The following CELSR1 variants were observed in gnomAD, a reference collection of about 807,000 sequenced individuals.
CELSR1 encodes adhesion G protein-coupled receptor C1.
Under a neutral mutation model 249.1 loss-of-function variants are expected in CELSR1, and 110 were observed. The ratio of observed to expected loss-of-function variants is 0.44; its 90% CI spans 0.38 to 0.52. The LOEUF is 0.52. Among genes scored for constraint, CELSR1 ranks in the 20% least tolerant of loss-of-function variants. CELSR1 has a pLI of 0.00. For synonymous variants in CELSR1, 2,113 were observed against 1,900.0 expected, an observed-to-expected ratio of 1.11 and a Z score of -2.92; for missense variants, 4,109 against 4,296.4, an observed-to-expected ratio of 0.96 and a Z score of 1.22.
rs1171624985 is a variant in CELSR1, at chr22:46,433,862, T to G, written c.4523-381A>C. ...ACCACACCCGGCTAATTTTTGTATT[T>G]TTAGTAGAGATGGGGTTTCACCATG... On this transcript the variant is annotated intron_variant, in intron 4 of 34. Transcript: ENST00000674500. This position sits in a 1 kb window ranked among gnomAD's most constrained non-coding sequence, Gnocchi z 5.7. Among the ~76,000 whole-genome samples the G allele has an allele frequency of 2.0e-5, 3 of 152,268 alleles. No homozygotes were observed. Among genetic ancestry groups the G allele is most frequent in the Non-Finnish European group, 4.4e-5 (3 of 68,014 alleles).
At chr22:46,478,696 C>T (rs1192852249) in intron 1 of CELSR1, among the ~76,000 whole-genome samples, 1 of 147,378 alleles carries the variant, frequency 6.8e-6, no homozygotes, top group African/African-American at 2.5e-5. Context: ...GTGCGTGCCA[C>T]CATGCCCAGC....
At chr22:46,449,303 C>T (rs2079854915) in intron 2 of CELSR1, among the ~76,000 whole-genome samples, 1 of 151,654 alleles carries the variant, frequency 6.6e-6, no homozygotes, top group Non-Finnish European at 1.5e-5. Context: ...TCTATCCACC[C>T]ATCACACATC....
chr22:46,494,351 A>T (rs1228221910), intron 1 of CELSR1, among the ~76,000 whole-genome samples: 2 of 152,080 alleles, frequency 1.3e-5, no homozygotes, highest in Non-Finnish European at 2.9e-5. Flanking sequence ...CAGATTGTCA[A>T]TTTTTTTCAA....
Position 46,402,183 on chromosome 22 carries a change from G to C in CELSR1, c.5227-2281C>G, listed in dbSNP as rs1476643210. Among the ~76,000 whole-genome samples the C allele has an allele frequency of 6.6e-6, 1 of 151,876 alleles. No homozygotes were observed. The highest frequency in any genetic ancestry group is 6.6e-5 in the Admixed American group (1 of 15,238). On this transcript the variant is annotated intron_variant, in intron 9 of 34. Transcript: ENST00000674500. The surrounding 1 kb of genome is among the most constrained non-coding windows in gnomAD (Gnocchi z 5.0). ...GCCAGAAGCAAACATGGAAGATAAT[G>C]ACATCCCCATCATCCCCATTCTAGT...
intron 5 of CELSR1, among the ~76,000 whole-genome samples, chr22:46,415,579 A>C (rs1452582556): frequency 1.3e-5 from 2 of 152,112 alleles, no homozygotes; most frequent in Non-Finnish European, 2.9e-5. Flanking sequence ...AGCCCCTTTA[A>C]AGCTTAATTT....
intron 30 of CELSR1, among the ~76,000 whole-genome samples, 180 bp downstream of exon 30, chr22:46,366,206 C>CGGGGG (rs2078777111): frequency 1.2e-3 from 1 of 820 alleles, no homozygotes; most frequent in Non-Finnish European, 2.2e-3. Flanking sequence ...AGGGAAGGTG[C>CGGGGG]GAGGCGGGGA....
chr22:46,446,542 G>A lies in CELSR1; in HGVS notation c.4184-7131C>T, dbSNP rs2079823010. Among the ~76,000 whole-genome samples, 1 of 152,152 alleles carries A rather than the reference G, an allele frequency of 6.6e-6. No homozygotes were observed. Among genetic ancestry groups the A allele is most frequent in the Non-Finnish European group, 1.5e-5 (1 of 68,048 alleles). Reference sequence around the variant, plus strand: ...TCTGAGACTGTCAGGCACACAGCGAGTGCCGAATAAATGCCTGGTGTGTGC... The same window carrying A: ...TCTGAGACTGTCAGGCACACAGCGAATGCCGAATAAATGCCTGGTGTGTGC... On this transcript the variant is annotated intron_variant, in intron 2 of 34. Transcript: ENST00000674500. The surrounding 1 kb of genome is among the most constrained non-coding windows in gnomAD (Gnocchi z 5.5).
chr22:46,409,827 T>C lies in CELSR1; in HGVS notation c.4987A>G (p.Thr1663Ala). The stretch of plus-strand genomic sequence containing the variant: ...TACATATTCCACCTGTTGACACAGG[T>C]GCCTCCATTCTGACACCGCCTCCCA... The part of the protein sequence containing the change: ...CDGRRCQNGG[T>A]CVNRWNMYLC... The change falls in exon 8 of 35, where the codon ACC becomes GCC. Residue 1663 changes from threonine to alanine, a missense_variant. Thr to Ala is a moderately conservative substitution (Grantham distance 58, BLOSUM62 0). This residue lies in a region of CELSR1 where 453 missense variants were observed against 492.0 expected (regional missense o/e 0.92). Transcript: ENST00000674500. The surrounding 1 kb of genome is among the most constrained non-coding windows in gnomAD (Gnocchi z 9.8). 1 of 1,613,890 alleles carries C rather than the reference T, an allele frequency of 6.2e-7. No homozygotes were observed. Among genetic ancestry groups the C allele is most frequent in the Non-Finnish European group, 8.5e-7 (1 of 1,179,990 alleles).
At chr22:46,415,954 G>A (rs564212889) in intron 5 of CELSR1, among the ~76,000 whole-genome samples, 2 of 152,358 alleles carry the variant, frequency 1.3e-5, no homozygotes, top group African/African-American at 2.4e-5. Context: ...AAAGGCCGGC[G>A]TGGAGCACGA....
Position 46,364,719 on chromosome 22 carries a change from G to A in CELSR1, c.8572C>T (p.His2858Tyr), listed in dbSNP as rs754423314. 4 of 1,612,214 alleles carry A rather than the reference G, an allele frequency of 2.5e-6. No individual in the cohort carries two copies. Among genetic ancestry groups the A allele is most frequent in the Non-Finnish European group, 3.4e-6 (4 of 1,179,760 alleles). Residue 2858 changes from histidine to tyrosine, a missense_variant, in exon 33 of 35, where the codon CAC (histidine) becomes TAC (tyrosine). Physicochemically the swap from His to Tyr is moderately conservative, Grantham distance 83 (BLOSUM62 2). Transcript: ENST00000674500. ...TGGTCGGGCCAGCCGGCCGGAACGT[G>A]GTTGGCCACAGCGTCCCCTGAGGCA... ...STPKGDAVAN[H>Y]VPAGWPDQSL...
In CELSR1 at chr22:46,438,161, G is replaced by A. The variant is rs1278828155; in HGVS notation, c.4406+1028C>T. Among the ~76,000 whole-genome samples, 6 of 152,146 alleles carry A rather than the reference G, an allele frequency of 3.9e-5. No homozygotes were observed. In the South Asian group the frequency reaches 1.0e-3, roughly 26 times the overall value. On this transcript the variant is annotated intron_variant, in intron 3 of 34. Coordinates refer to ENST00000674500, the MANE Select transcript of CELSR1 (RefSeq NM_001378328.1). ...TGCAAGCAAAAAGCAAAAAAAAGGA[G>A]AGGCCAGAAAACAGAAACCAAGGCC...
At chr22:46,460,462 CAGA>C (rs2080012298) in intron 2 of CELSR1, among the ~76,000 whole-genome samples, 1 of 152,182 alleles carries the variant, frequency 6.6e-6, no homozygotes, top group African/African-American at 2.4e-5. Flanking sequence ...AGACACATTT[CAGA>C]TGAAGGGATG....
chr22:46,483,634 T>G (rs574960663), intron 1 of CELSR1, among the ~76,000 whole-genome samples: 1 of 152,116 alleles, frequency 6.6e-6, no homozygotes, highest in Non-Finnish European at 1.5e-5. Context: ...TACGTAAGTC[T>G]TTGCTCCCAT....
chr22:46,456,577 G>A (rs1044778679), intron 2 of CELSR1, among the ~76,000 whole-genome samples: 2 of 148,758 alleles, frequency 1.3e-5, no homozygotes, highest in Non-Finnish European at 3.0e-5. Context: ...GCAGGAGAAT[G>A]GCGTGAACCT....
In CELSR1 at chr22:46,470,334, G is replaced by A. The variant is rs756924011; in HGVS notation, c.3545-5989C>T. ...CTGAGCTTATGTATCATAGTGAGAAGCCCAGGCCTTCTTGGGGTGCCCTGA... is the reference window on the plus strand; with the variant it reads ...CTGAGCTTATGTATCATAGTGAGAAACCCAGGCCTTCTTGGGGTGCCCTGA... On this transcript the variant is annotated intron_variant, in intron 1 of 34. Coordinates refer to ENST00000674500, the MANE Select transcript of CELSR1 (RefSeq NM_001378328.1). Among the ~76,000 whole-genome samples the A allele has an allele frequency of 7.9e-5, 12 of 151,902 alleles. No homozygotes were observed. In the Middle Eastern group the frequency reaches 0.017, roughly 215 times the overall value.
rs1321651495 is a variant in CELSR1, at chr22:46,428,799, C to T, written c.4611+4594G>A. On this transcript the variant is annotated intron_variant, in intron 5 of 34. Coordinates refer to ENST00000674500, the MANE Select transcript of CELSR1 (RefSeq NM_001378328.1). This position sits in a 1 kb window ranked among gnomAD's most constrained non-coding sequence, Gnocchi z 5.7. ...CACCTCACTGCCTCACTGCACAGCT[C>T]ACTCACGGGTCCCCAGCGGGCCACA... Among the ~76,000 whole-genome samples, 1 of 152,212 alleles carries T rather than the reference C, an allele frequency of 6.6e-6. No homozygotes were observed. Among genetic ancestry groups the T allele is most frequent in the African/African-American group, 2.4e-5 (1 of 41,454 alleles).
chr22:46,504,214 GA>G (rs1169413817), intron 1 of CELSR1, among the ~76,000 whole-genome samples: 1 of 152,056 alleles, frequency 6.6e-6, no homozygotes, highest in African/African-American at 2.4e-5. Context: ...GCAATTCACA[GA>G]AAAAACAGGA....
chr22:46,534,106 C>G lies in CELSR1; in HGVS notation c.3065G>C (p.Arg1022Pro), dbSNP rs746222824. ...AGGGCCTTCATCAGGGTCGTTAGCA[C>G]GAATCTTTGCCACCACCGACCCCAC... ...NPVGSVVAKI[R>P]ANDPDEGPNA... The change falls in exon 1 of 35, where the codon CGT (arginine) becomes CCT (proline). Residue 1022 changes from arginine (R) to proline (P), a missense_variant. By Grantham distance (103) the Arg-to-Pro change is moderately radical (BLOSUM62 -2). Coordinates refer to ENST00000674500, the MANE Select transcript of CELSR1 (RefSeq NM_001378328.1). The surrounding 1 kb of genome is among the most constrained non-coding windows in gnomAD (Gnocchi z 9.7). The G allele has an allele frequency of 5.0e-6, 8 of 1,613,708 alleles. No homozygotes were observed. Among genetic ancestry groups the G allele is most frequent in the Non-Finnish European group, 6.8e-6 (8 of 1,180,034 alleles).
At position 46,364,130 on chromosome 22, in the gene CELSR1, A is replaced by G. The variant is rs1280822264; in HGVS notation, c.8901T>C (p.Ser2967=). ...CEQSPTSSRT[S]SLGSGGPDCA... ...AGTCGGGGCCGCCAGAGCCCAGGGA[A>G]GACGTGCGCGAGGATGTGGGGCTCT... The change falls in exon 34 of 35, where the codon TCT becomes TCC. Residue 2967 remains serine, a synonymous_variant. Transcript: ENST00000674500. The G allele has an allele frequency of 2.5e-6, 4 of 1,612,216 alleles. No individual in the cohort carries two copies.
Sources: allele counts gnomAD v4.1 joint callset (sites outside exome capture counted in the v4.1 genomes callset), GRCh38; gene constraint gnomAD v4.1.1; regional missense constraint gnomAD v4.1.1; non-coding constraint Gnocchi (gnomAD v3.1); transcripts MANE v1.5; gene names NCBI Gene and HGNC (gene_info 2026-07-23, HGNC 2026-07-21).